GRM7: variants seen among roughly 807,000 people sequenced by gnomAD.
GRM7 encodes glutamate metabotropic receptor 7, also known as metabotropic glutamate receptor 7.
A neutral mutation model predicts 84.5 loss-of-function variants in GRM7; 35 were observed. The ratio of observed to expected loss-of-function variants is 0.41; its 90% CI spans 0.32 to 0.55. The LOEUF (loss-of-function observed/expected upper bound fraction) is 0.55. Among genes scored for constraint, GRM7 ranks in the 20% least tolerant of loss-of-function variants. The probability of loss-of-function intolerance (pLI) is 0.19; values close to 1 mark genes in which losing one functional copy is unlikely to be tolerated. For missense variants in GRM7, 1,003 were observed against 1,194.6 expected, an observed-to-expected ratio of 0.84 and a Z score of 2.36; for synonymous variants, 487 against 455.1, an observed-to-expected ratio of 1.07 and a Z score of -0.89.
intron 8 of GRM7, among the ~76,000 whole-genome samples, chr3:7,645,142 T>G (rs1698563181): frequency 6.6e-6 from 1 of 152,094 alleles, no homozygotes; most frequent in East Asian, 1.9e-4. Flanking sequence ...GAGGAATAAC[T>G]AAGACCTTGC....
intron 8 of GRM7, among the ~76,000 whole-genome samples, chr3:7,611,425 T>G (rs1249521882): frequency 6.6e-6 from 1 of 152,102 alleles, no homozygotes; most frequent in Non-Finnish European, 1.5e-5. Context: ...ATCAAGTGCT[T>G]CCTCCAAGAT....
At chr3:7,713,840 G>C (rs1701681941) in intron 9 of GRM7, among the ~76,000 whole-genome samples, 1 of 109,616 alleles carries the variant, frequency 9.1e-6, no homozygotes, top group Non-Finnish European at 1.7e-5. Context: ...AATGGGTAGA[G>C]TTTGCCTTGA....
intron 4 of GRM7, among the ~76,000 whole-genome samples, chr3:7,330,784 A>G (rs146604546): frequency 1.3e-5 from 2 of 152,298 alleles, no homozygotes; most frequent in Non-Finnish European, 2.9e-5. Context: ...GTGTGTCTTT[A>G]CCAGTAGTGT....
At chr3:7,633,133 A>G (rs907302275) in intron 8 of GRM7, among the ~76,000 whole-genome samples, 7 of 152,254 alleles carry the variant, frequency 4.6e-5, no homozygotes, top group African/African-American at 1.7e-4. Flanking sequence ...AGAGTAGAGG[A>G]GGCATACCTT....
At chr3:6,919,420 C>T (rs1697048747) in intron 1 of GRM7, among the ~76,000 whole-genome samples, 1 of 146,822 alleles carries the variant, frequency 6.8e-6, no homozygotes, top group South Asian at 2.1e-4. Flanking sequence ...GTTGGCCAGG[C>T]TGGTCTCAAA....
chr3:7,260,045 G>A (rs1029505765), intron 2 of GRM7, among the ~76,000 whole-genome samples: 2 of 143,492 alleles, frequency 1.4e-5, no homozygotes, highest in African/African-American at 5.2e-5. Flanking sequence ...CCAGTGATCA[G>A]TGATATTGAG....
At chr3:7,157,515 T>C (rs1036675519) in intron 2 of GRM7, among the ~76,000 whole-genome samples, 3 of 152,092 alleles carry the variant, frequency 2.0e-5, no homozygotes, top group African/African-American at 4.8e-5. Flanking sequence ...TTTTTCTTTT[T>C]CCTCTAACTA....
chr3:7,275,330 GT>G, intron 2 of GRM7, among the ~76,000 whole-genome samples: 1 of 152,084 alleles, frequency 6.6e-6, no homozygotes, highest in East Asian at 1.9e-4. Context: ...CTGCTTTTCA[GT>G]TTGTCTTATA....
At chr3:7,155,688 A>C (rs543408949) in intron 2 of GRM7, among the ~76,000 whole-genome samples, 2 of 152,256 alleles carry the variant, frequency 1.3e-5, no homozygotes, top group Admixed American at 1.3e-4. Context: ...TTAATTTGGC[A>C]AACGAATTCC....
At chr3:7,325,573 A>G (rs1045163085) in intron 4 of GRM7, among the ~76,000 whole-genome samples, 1 of 152,188 alleles carries the variant, frequency 6.6e-6, no homozygotes, top group African/African-American at 2.4e-5. Flanking sequence ...TTAGCAGCCA[A>G]CACACTCAGC....
chr3:7,498,837 G>A (rs186365315), intron 7 of GRM7, among the ~76,000 whole-genome samples: 359 of 149,956 alleles, frequency 2.4e-3, no homozygotes, highest in African/African-American at 3.2e-3. Flanking sequence ...AACTTAAAGC[G>A]GATGAGGCCA....
intron 5 of GRM7, among the ~76,000 whole-genome samples, chr3:7,450,157 CA>C (rs1697708008): frequency 1.3e-5 from 2 of 151,854 alleles, no homozygotes; most frequent in Non-Finnish European, 2.9e-5. Context: ...AAAAAAGAAA[CA>C]AGTTTCATCT....
At chr3:7,561,870 C>T (rs1210489503) in intron 7 of GRM7, among the ~76,000 whole-genome samples, 1 of 152,124 alleles carries the variant, frequency 6.6e-6, no homozygotes. Context: ...ACATACACTT[C>T]AACAGCCTTC....
At chr3:7,247,913 T>C (rs1697836169) in intron 2 of GRM7, among the ~76,000 whole-genome samples, 1 of 152,136 alleles carries the variant, frequency 6.6e-6, no homozygotes, top group African/African-American at 2.4e-5. Context: ...TTATACTCAC[T>C]AGAATGGCTA....
intron 1 of GRM7, among the ~76,000 whole-genome samples, chr3:7,101,568 A>C (rs1699108919): frequency 6.6e-6 from 1 of 151,376 alleles, no homozygotes; most frequent in Non-Finnish European, 1.5e-5. Flanking sequence ...TAATATAATC[A>C]CGGTTAGGTC....
At chr3:7,314,754 T>C (rs1315405319) in intron 4 of GRM7, among the ~76,000 whole-genome samples, 1 of 152,168 alleles carries the variant, frequency 6.6e-6, no homozygotes, top group East Asian at 1.9e-4. Context: ...AAGTCCAATG[T>C]CTGGGCTTCT....
At chr3:7,321,248 T>A (rs192338391) in intron 4 of GRM7, among the ~76,000 whole-genome samples, 94 of 152,206 alleles carry the variant, frequency 6.2e-4, no homozygotes, top group Non-Finnish European at 1.2e-3. Flanking sequence ...GTTCATAAGG[T>A]TCTGATACTA....
chr3:7,033,539 A>G (rs1324255464), intron 1 of GRM7, among the ~76,000 whole-genome samples: 2 of 152,216 alleles, frequency 1.3e-5, no homozygotes, highest in African/African-American at 4.8e-5. Context: ...TCTCAAGTTC[A>G]TTCTTCTTGA....
intron 1 of GRM7, among the ~76,000 whole-genome samples, chr3:6,966,924 T>A (rs1313163024): frequency 6.6e-6 from 1 of 152,186 alleles, no homozygotes; most frequent in Non-Finnish European, 1.5e-5. Flanking sequence ...CACCTTCAGG[T>A]ATCTCTCCTA....
Sources: gnomAD v4.1 joint callset for allele counts (sites outside exome capture counted in the v4.1 genomes callset) on GRCh38, gnomAD v4.1.1 for gene constraint, MANE v1.5 for transcripts, NCBI Gene and HGNC (gene_info 2026-07-23, HGNC 2026-07-21) for gene names.